AP3S2: variants seen among roughly 807,000 people sequenced by gnomAD.
The protein encoded by AP3S2 is AP-3 complex subunit sigma-2.
Under a neutral mutation model 23.4 loss-of-function variants are expected in AP3S2, and 22 were observed. The ratio of observed to expected loss-of-function variants is 0.94; its 90% CI spans 0.67 to 1.34. The LOEUF (loss-of-function observed/expected upper bound fraction) is 1.34, where lower values mean the gene tolerates loss of function less well. Ranked by LOEUF, AP3S2 falls within the 40% of genes most tolerant of loss-of-function variation. The probability of loss-of-function intolerance (pLI) is 0.00; values close to 1 mark genes in which losing one functional copy is unlikely to be tolerated. For synonymous variants in AP3S2, 86 were observed against 87.1 expected, an observed-to-expected ratio of 0.99 and a Z score of 0.07; for missense variants, 241 against 236.9, an observed-to-expected ratio of 1.02 and a Z score of -0.11.
At chr15:89,873,419 G>C (rs1896367164) in intron 3 of AP3S2, among the ~76,000 whole-genome samples, 1 of 151,846 alleles carries the variant, frequency 6.6e-6, no homozygotes, top group South Asian at 2.1e-4. Context: ...TGAGTAGCTG[G>C]GATTACAGGC....
chr15:89,867,719 T>G, intron 4 of AP3S2, among the ~76,000 whole-genome samples: 2 of 121,488 alleles, frequency 1.6e-5, no homozygotes, highest in Non-Finnish European at 3.5e-5. Flanking sequence ...GTCTGGGAGG[T>G]AAGGAGCGTC....
intron 3 of AP3S2, among the ~76,000 whole-genome samples, chr15:89,881,305 A>G (rs972225853): frequency 6.6e-6 from 1 of 152,240 alleles, no homozygotes; most frequent in African/African-American, 2.4e-5. Context: ...TTAATACAGT[A>G]TACAACATTA....
chr15:89,835,479 G>C lies in AP3S2; in HGVS notation c.*36C>G, dbSNP rs1175057518. On this transcript the variant is annotated 3_prime_UTR_variant, in exon 6 of 6. Transcript: ENST00000336418. ...GTGCTTGCCTTGCTTGTCTTTGCTT[G>C]TCTTAAGGACTCTATTTCAGGCCAA... 3 of 1,611,888 alleles carry C rather than the reference G, an allele frequency of 1.9e-6. No homozygotes were observed. The East Asian group carries it at 6.7e-5, about 36-fold the overall frequency.
At chr15:89,889,450 A>C (rs1337863285) in intron 1 of AP3S2, 1 of 150,720 alleles carries the variant, frequency 6.6e-6, no homozygotes, top group African/African-American at 2.8e-5. Context: ...ATACAAAGTC[A>C]GAGAATAACT....
chr15:89,838,026 G>T (rs748508), intron 4 of AP3S2: 227,067 of 314,046 alleles, frequency 0.72, 82,506 homozygotes, highest in East Asian at 0.8. Context: ...CTGGGCAAAT[G>T]ACCTTTAAAG....
intron 3 of AP3S2, among the ~76,000 whole-genome samples, chr15:89,874,946 TG>T (rs1395693535): frequency 6.6e-6 from 1 of 152,236 alleles, no homozygotes; most frequent in East Asian, 1.9e-4. Context: ...CTGATAATGT[TG>T]GAACAGTTAT....
chr15:89,882,393 C>T (rs1296110519), intron 3 of AP3S2, among the ~76,000 whole-genome samples: 2 of 147,000 alleles, frequency 1.4e-5, no homozygotes, highest in South Asian at 2.1e-4. Flanking sequence ...GACGGAGTTT[C>T]GCTCTTGTTG....
At chr15:89,889,886 A>G (rs2141904313) in intron 1 of AP3S2, among the ~76,000 whole-genome samples, 1 of 151,462 alleles carries the variant, frequency 6.6e-6, no homozygotes, top group East Asian at 1.9e-4. Flanking sequence ...AAAAAAAAAA[A>G]AAGGTCAAGA....
Position 89,888,600 on chromosome 15 carries a change from T to C in AP3S2, c.194A>G (p.Tyr65Cys), listed in dbSNP as rs1406411808. The change falls in exon 3 of 6, where the codon TAC becomes TGC. Residue 65 changes from tyrosine (Y) to cysteine (C), a missense_variant. Transcript: ENST00000336418. ...AAAGTAGAGGGTAGCATAGTGCCGG[T>C]AGATCAGTTTGTAGTCAGAGCCACC... ...LIGGSDYKLI[Y>C]RHYATLYFVF... 1.9e-6 allele frequency: 3 copies of C among 1,614,190 alleles called. No individual in the cohort carries two copies. Among genetic ancestry groups the C allele is most frequent in the South Asian group, 1.1e-5 (1 of 91,084 alleles).
intron 4 of AP3S2, among the ~76,000 whole-genome samples, chr15:89,844,575 C>A (rs1895440746): frequency 6.6e-6 from 1 of 151,680 alleles, no homozygotes; most frequent in African/African-American, 2.4e-5. Flanking sequence ...TCTTGAACTC[C>A]TGAGCTCAAG....
Position 89,833,884 on chromosome 15 carries a change from T to TC in AP3S2, c.*1630dup, listed in dbSNP as rs1249809057. 2 of 152,244 alleles carry TC rather than the reference T, an allele frequency of 1.3e-5. No homozygotes were observed. The highest frequency in any genetic ancestry group is 4.8e-5 in the African/African-American group (2 of 41,462). 9.4% of individuals were successfully genotyped at this position (152,244 alleles called of 1,614,324 possible). A position where few individuals can be genotyped will look rare whatever the true frequency, so the allele number is the denominator to read the frequency against. ...TGACACCGGGTGCTGCTGGGCACCC[T>TC]CTCAGACCTGCCCTGCAACAGCATC... On this transcript the variant is annotated 3_prime_UTR_variant, in exon 6 of 6. Transcript: ENST00000336418.
At position 89,869,095 on chromosome 15, in the gene AP3S2, T is replaced by C. The variant is rs1269936544; in HGVS notation, c.345+2380A>G. Among the ~76,000 whole-genome samples, 92 of 151,336 alleles carry C rather than the reference T, an allele frequency of 6.1e-4. No homozygotes were observed. In the East Asian group the frequency reaches 6.3e-3, roughly 10 times the overall value. On this transcript the variant is annotated intron_variant, in intron 4 of 5. Coordinates refer to ENST00000336418, the MANE Select transcript of AP3S2 (RefSeq NM_005829.5). ...TGCCCAACAGCTCATTGAGAACGGG[T>C]CAGGATGACAATGGCGGCTTTGTGG...
At chr15:89,855,623 C>G (rs1380022095) in intron 4 of AP3S2, among the ~76,000 whole-genome samples, 10 of 142,370 alleles carry the variant, frequency 7.0e-5, no homozygotes, top group African/African-American at 2.6e-4. Context: ...CCAAGGCGGG[C>G]AGATCACCTG....
intron 4 of AP3S2, among the ~76,000 whole-genome samples, chr15:89,870,029 C>T (rs968748203): frequency 2.0e-5 from 3 of 152,130 alleles, no homozygotes; most frequent in Admixed American, 6.5e-5. Context: ...GTGTGAGCCA[C>T]GACGCCCGGC....
rs138115339 is a variant in AP3S2, at chr15:89,884,484, G to A, written c.273+4037C>T. ...AACAAAAACCCTTAAGGCCAATAAA[G>A]CCTAGATGATTTGTTTAAGGTCACA... On this transcript the variant is annotated intron_variant, in intron 3 of 5. Coordinates refer to ENST00000336418, the MANE Select transcript of AP3S2 (RefSeq NM_005829.5). Among the ~76,000 whole-genome samples the A allele has an allele frequency of 3.1e-3, 474 of 151,762 alleles. 2 individuals are homozygous for A. The highest frequency in any genetic ancestry group is 4.8e-3 in the Non-Finnish European group (325 of 67,962).
chr15:89,843,878 A>C (rs1437852568), intron 4 of AP3S2, among the ~76,000 whole-genome samples: 1 of 152,196 alleles, frequency 6.6e-6, no homozygotes, highest in Non-Finnish European at 1.5e-5. Context: ...AAAACTACTT[A>C]ACTGTAGGTC....
chr15:89,843,738 G>A (rs1028187970), intron 4 of AP3S2, among the ~76,000 whole-genome samples: 2 of 152,178 alleles, frequency 1.3e-5, no homozygotes, highest in South Asian at 2.1e-4. Context: ...AACCCAGGAG[G>A]AGGAGGTTAC....
intron 1 of AP3S2, chr15:89,893,586 A>G (rs752629217): frequency 1.1e-5 from 5 of 435,288 alleles, no homozygotes; most frequent in Non-Finnish European, 1.6e-5. Flanking sequence ...ATCGAGGCAC[A>G]CTCCCCACTG....
At chr15:89,858,476 AAAGAAAG>A (rs1895900311) in intron 4 of AP3S2, among the ~76,000 whole-genome samples, 1 of 31,332 alleles carries the variant, frequency 3.2e-5, no homozygotes, top group Admixed American at 4.2e-4. Flanking sequence ...AGAAAGAAAG[AAAGAAAG>A]AAAGAAAGAA....
Sources: gnomAD v4.1 joint callset for allele counts (sites outside exome capture counted in the v4.1 genomes callset) on GRCh38, gnomAD v4.1.1 for gene constraint, MANE v1.5 for transcripts, NCBI Gene and HGNC (gene_info 2026-07-23, HGNC 2026-07-21) for gene names.